PARD3: variants seen among roughly 807,000 people sequenced by gnomAD.
PARD3 encodes the protein partitioning defective 3 homolog.
Under a neutral mutation model 155.4 loss-of-function variants are expected in PARD3, and 75 were observed. That is an observed-to-expected ratio of 0.48 (90% confidence interval 0.40 to 0.58). PARD3 has a LOEUF of 0.58. PARD3 is among the 20% of genes least tolerant of loss of function. The probability of loss-of-function intolerance (pLI) is 0.00; values close to 1 mark genes in which losing one functional copy is unlikely to be tolerated. For synonymous variants in PARD3, 576 were observed against 610.5 expected, an observed-to-expected ratio of 0.94 and a Z score of 0.83; for missense variants, 1,642 against 1,721.7, an observed-to-expected ratio of 0.95 and a Z score of 0.82.
intron 2 of PARD3, among the ~76,000 whole-genome samples, chr10:34,648,079 A>T (rs946416759): frequency 2.0e-5 from 3 of 152,222 alleles, no homozygotes; most frequent in Non-Finnish European, 4.4e-5. Flanking sequence ...TATCTACTTC[A>T]TCCCGGGATC....
At chr10:34,542,752 A>G (rs1185814932) in intron 2 of PARD3, among the ~76,000 whole-genome samples, 1 of 152,238 alleles carries the variant, frequency 6.6e-6, no homozygotes, top group Admixed American at 6.5e-5. Context: ...GAGAACTGTA[A>G]AACTAAAAAA....
intron 21 of PARD3, among the ~76,000 whole-genome samples, 170 bp from the exon 22 acceptor site, chr10:34,270,069 A>G (rs764439420): frequency 1.3e-5 from 2 of 152,000 alleles, no homozygotes; most frequent in Non-Finnish European, 2.9e-5. Flanking sequence ...AAGTAATGCT[A>G]TGGATGCTCA....
intron 7 of PARD3, among the ~76,000 whole-genome samples, chr10:34,398,216 T>C (rs1843528542): frequency 6.6e-6 from 1 of 152,142 alleles, no homozygotes; most frequent in Non-Finnish European, 1.5e-5. Context: ...CCATGAGAGA[T>C]GAAATCTGAA....
At chr10:34,433,234 CA>C (rs1410877166) in intron 5 of PARD3, among the ~76,000 whole-genome samples, 2 of 152,098 alleles carry the variant, frequency 1.3e-5, no homozygotes, top group African/African-American at 4.8e-5. Context: ...ACTCCCAAGT[CA>C]AAAGCAAAAA....
At chr10:34,128,489 G>A (rs1290305562) in intron 23 of PARD3, among the ~76,000 whole-genome samples, 1 of 152,170 alleles carries the variant, frequency 6.6e-6, no homozygotes. Flanking sequence ...AACTGTCTAT[G>A]TTACTGGTAA....
chr10:34,780,713 A>AT lies in PARD3; in HGVS notation c.120+34162dup, dbSNP rs1183570435. On this transcript the variant is annotated intron_variant, in intron 1 of 24. Coordinates refer to ENST00000374788, the MANE Select transcript of PARD3 (RefSeq NM_001184785.2). ...TGCCGCAGTTTTTTACAGAAGCTGT[A>AT]TTTTTTATCATAAAAGGAGGGGAAG... Among the ~76,000 whole-genome samples the AT allele has an allele frequency of 5.9e-5, 9 of 152,304 alleles. No individual in the cohort carries two copies. The South Asian group carries it at 1.5e-3, about 25-fold the overall frequency.
intron 22 of PARD3, among the ~76,000 whole-genome samples, chr10:34,218,577 A>T (rs182244707): frequency 1.5e-3 from 225 of 152,348 alleles, no homozygotes; most frequent in Admixed American, 3.1e-3. Context: ...AAGGGCGGGA[A>T]ATACTTTGCC....
intron 22 of PARD3, among the ~76,000 whole-genome samples, chr10:34,213,615 T>C (rs939327941): frequency 7.2e-5 from 11 of 152,188 alleles, no homozygotes; most frequent in Admixed American, 3.3e-4. Context: ...AGGGTTTGGT[T>C]TCCTATTTGG....
intron 2 of PARD3, among the ~76,000 whole-genome samples, chr10:34,671,423 C>A (rs2093608566): frequency 6.6e-6 from 1 of 152,120 alleles, no homozygotes; most frequent in Non-Finnish European, 1.5e-5. Context: ...GTAACACATT[C>A]ATCTAGGCCA....
intron 2 of PARD3, among the ~76,000 whole-genome samples, chr10:34,653,419 T>C (rs2093073324): frequency 6.6e-6 from 1 of 152,158 alleles, no homozygotes; most frequent in Non-Finnish European, 1.5e-5. Flanking sequence ...TCATCACGTT[T>C]AAGCACTTGA....
At chr10:34,283,193 T>C (rs757566465) in intron 21 of PARD3, among the ~76,000 whole-genome samples, 7 of 152,240 alleles carry the variant, frequency 4.6e-5, no homozygotes, top group African/African-American at 4.8e-5. Flanking sequence ...AGCTTTAGAA[T>C]TATGGTAGGA....
At chr10:34,517,978 A>G (rs1039320448) in intron 2 of PARD3, among the ~76,000 whole-genome samples, 1 of 152,168 alleles carries the variant, frequency 6.6e-6, no homozygotes, top group Non-Finnish European at 1.5e-5. Context: ...TCCTGGGTTC[A>G]AGTGATTCTC....
intron 20 of PARD3, among the ~76,000 whole-genome samples, chr10:34,289,506 A>G (rs1374655992): frequency 1.3e-5 from 2 of 152,002 alleles, no homozygotes; most frequent in Non-Finnish European, 1.5e-5. Flanking sequence ...TAATAATAAT[A>G]ATAATAATAA....
intron 5 of PARD3, among the ~76,000 whole-genome samples, chr10:34,404,697 T>C (rs1053005881): frequency 3.9e-5 from 6 of 152,006 alleles, no homozygotes; most frequent in African/African-American, 1.4e-4. Context: ...TGGGCGTGAA[T>C]AGCAATTCTA....
At chr10:34,655,976 T>C (rs895650920) in intron 2 of PARD3, among the ~76,000 whole-genome samples, 10 of 152,224 alleles carry the variant, frequency 6.6e-5, no homozygotes, top group African/African-American at 2.4e-4. Context: ...AAAGAATTTT[T>C]TTAATCGTGT....
At chr10:34,783,438 A>C (rs1462860275) in intron 1 of PARD3, among the ~76,000 whole-genome samples, 2 of 151,768 alleles carry the variant, frequency 1.3e-5, no homozygotes, top group Non-Finnish European at 2.9e-5. Flanking sequence ...CCCCGTCTTC[A>C]CTAAAAATAC....
intron 2 of PARD3, among the ~76,000 whole-genome samples, chr10:34,678,402 T>A (rs924122203): frequency 2.0e-5 from 3 of 152,226 alleles, no homozygotes; most frequent in South Asian, 4.1e-4. Context: ...AAAATATTTT[T>A]AATTCTGAAC....
chr10:34,782,227 T>C (rs549124108), intron 1 of PARD3, among the ~76,000 whole-genome samples: 1 of 152,142 alleles, frequency 6.6e-6, no homozygotes, highest in African/African-American at 2.4e-5. Context: ...CCTGAACACA[T>C]TGCAGTCAAG....
intron 20 of PARD3, among the ~76,000 whole-genome samples, chr10:34,305,557 C>A (rs191048731): frequency 1.3e-5 from 2 of 152,358 alleles, no homozygotes; most frequent in East Asian, 3.9e-4. Flanking sequence ...AATTTTAACA[C>A]GAACTCTTTG....
Sources: gnomAD v4.1 joint callset for allele counts (sites outside exome capture counted in the v4.1 genomes callset) on GRCh38, gnomAD v4.1.1 for gene constraint, MANE v1.5 for transcripts, NCBI Gene and HGNC (gene_info 2026-07-23, HGNC 2026-07-21) for gene names.